CPHXL2: variants seen among roughly 807,000 people sequenced by gnomAD.
The protein encoded by CPHXL2 is cytoplasmic polyadenylated homeobox-like protein 2.
At chr16:75,662,390 C>T in the CPHXL2 span, among the ~76,000 whole-genome samples, 1 of 146,536 alleles carries the variant, frequency 6.8e-6, no homozygotes, top group Non-Finnish European at 1.5e-5. Flanking sequence ...TTGATTAAAC[C>T]ATCGACTGCT....
At chr16:75,665,840 G>C in the CPHXL2 span, among the ~76,000 whole-genome samples, 1 of 152,134 alleles carries the variant, frequency 6.6e-6, no homozygotes, top group Non-Finnish European at 1.5e-5. Flanking sequence ...ACTCCAGCCT[G>C]GGCAACAGAG....
At chr16:75,660,602 C>T in the CPHXL2 span, 1 of 398,590 alleles carries the variant, frequency 2.5e-6, no homozygotes. Context: ...GGTGATACTG[C>T]CAATCATTCT....
the CPHXL2 span, among the ~76,000 whole-genome samples, chr16:75,662,682 C>G: frequency 7.9e-5 from 12 of 151,990 alleles, no homozygotes; most frequent in Non-Finnish European, 1.8e-4. Context: ...TTTTCTCTCC[C>G]CTAGAAAGAG....
At chr16:75,674,790 ACCTCTGCCT>A in the CPHXL2 span, among the ~76,000 whole-genome samples, 3 of 150,722 alleles carry the variant, frequency 2.0e-5, no homozygotes, top group Non-Finnish European at 4.4e-5. Context: ...GCTCACTGCA[ACCTCTGCCT>A]CCTGGGTTCA....
chr16:75,668,697 T>C, the CPHXL2 span, among the ~76,000 whole-genome samples: 7 of 152,018 alleles, frequency 4.6e-5, no homozygotes, highest in East Asian at 1.3e-3. Flanking sequence ...CAAGACCTAA[T>C]ACCTAATATA....
chr16:75,673,719 T>C, the CPHXL2 span, among the ~76,000 whole-genome samples: 1 of 151,982 alleles, frequency 6.6e-6, no homozygotes, highest in Non-Finnish European at 1.5e-5. Flanking sequence ...GGCTCACAAC[T>C]GTAATCCCAG....
the CPHXL2 span, chr16:75,660,455 C>T: frequency 5.0e-6 from 2 of 398,502 alleles, no homozygotes; most frequent in Non-Finnish European, 8.8e-6. Context: ...TTCCATTATT[C>T]TGAGGCAGTT....
the CPHXL2 span, among the ~76,000 whole-genome samples, chr16:75,675,893 A>G: frequency 6.6e-6 from 1 of 152,142 alleles, no homozygotes; most frequent in African/African-American, 2.4e-5. Flanking sequence ...AGCCAGAGCA[A>G]TGTGGTGAAA....
the CPHXL2 span, among the ~76,000 whole-genome samples, chr16:75,671,789 A>G: frequency 6.6e-6 from 1 of 152,258 alleles, no homozygotes; most frequent in African/African-American, 2.4e-5. Context: ...TTCTAGAAAT[A>G]GCAAGGAAGA....
At chr16:75,675,079 C>G in the CPHXL2 span, among the ~76,000 whole-genome samples, 47 of 149,922 alleles carry the variant, frequency 3.1e-4, no homozygotes, top group Non-Finnish European at 5.8e-4. Flanking sequence ...GTCACAGCTA[C>G]TCAGGAGGCT....
chr16:75,662,028 C>T, the CPHXL2 span, among the ~76,000 whole-genome samples: 4 of 152,278 alleles, frequency 2.6e-5, no homozygotes, highest in African/African-American at 9.6e-5. Context: ...GCAAGACTGC[C>T]CCTCCTTCAG....
chr16:75,669,241 AG>A, the CPHXL2 span: 1 of 393,940 alleles, frequency 2.5e-6, no homozygotes, highest in African/African-American at 2.1e-5. Flanking sequence ...ACCTGAGCCC[AG>A]GAAGTTGAGG....
At chr16:75,664,646 AG>A in the CPHXL2 span, among the ~76,000 whole-genome samples, 3 of 149,494 alleles carry the variant, frequency 2.0e-5, no homozygotes, top group South Asian at 4.2e-4. Context: ...AAAAAAAGAA[AG>A]AAAGAAAAAC....
At chr16:75,669,480 T>C in the CPHXL2 span, 3 of 400,388 alleles carry the variant, frequency 7.5e-6, no homozygotes, top group South Asian at 1.3e-4. Context: ...CTTCAGAAAA[T>C]TTATGTCGGT....
chr16:75,660,531 G>C, the CPHXL2 span: 1 of 398,610 alleles, frequency 2.5e-6, no homozygotes, highest in Non-Finnish European at 4.4e-6. Flanking sequence ...CGAGTCCATT[G>C]GCAGCTGTTC....
At chr16:75,669,652 C>G in the CPHXL2 span, 1 of 396,904 alleles carries the variant, frequency 2.5e-6, no homozygotes, top group Non-Finnish European at 4.4e-6. Context: ...CTCCCCTTCC[C>G]AAGTTGAAAT....
At chr16:75,661,537 C>G in the CPHXL2 span, among the ~76,000 whole-genome samples, 1 of 151,874 alleles carries the variant, frequency 6.6e-6, no homozygotes, top group Non-Finnish European at 1.5e-5. Flanking sequence ...TATCTCCAAC[C>G]TACTTGTGAC....
the CPHXL2 span, among the ~76,000 whole-genome samples, chr16:75,662,831 C>A: frequency 2.1e-5 from 3 of 144,290 alleles, no homozygotes; most frequent in African/African-American, 7.7e-5. Flanking sequence ...CGGAGTCTCG[C>A]TCTGTCGTCC....
At chr16:75,660,315 A>T in the CPHXL2 span, 5 of 398,264 alleles carry the variant, frequency 1.3e-5, no homozygotes, top group Non-Finnish European at 2.2e-5. Flanking sequence ...TAGACCCCTC[A>T]ACCTAAAACT....
Sources: gnomAD v4.1 joint callset for allele counts (sites outside exome capture counted in the v4.1 genomes callset) on GRCh38, gnomAD v4.1.1 for gene constraint, MANE v1.5 for transcripts, NCBI Gene and HGNC (gene_info 2026-07-23, HGNC 2026-07-21) for gene names.